Variants in HPS4 observed in about 807,000 individuals in gnomAD.
The protein encoded by HPS4 is HPS4 biogenesis of lysosomal organelles complex 3 subunit 2.
Under a neutral mutation model 70.3 loss-of-function variants are expected in HPS4, and 44 were observed. That is an observed-to-expected ratio of 0.63 (90% CI 0.49 to 0.80). The LOEUF (loss-of-function observed/expected upper bound fraction) is 0.80, where lower values mean the gene tolerates loss of function less well. Among genes scored for constraint, HPS4 ranks in the 30% least tolerant of loss-of-function variants. HPS4 has a pLI of 0.00. For synonymous variants in HPS4, 377 were observed against 355.9 expected (o/e 1.06, Z -0.67); for missense variants, 873 against 884.4 (o/e 0.99, Z 0.16).
At chr22:26,479,417 A>T in intron 2 of HPS4, 62 bp from the exon 3 acceptor site, 1 of 1,592,598 alleles carries the variant, frequency 6.3e-7, no homozygotes. Flanking sequence ...CATTTAAAAC[A>T]CAGCTTCCTG....
downstream of HPS4, among the ~76,000 whole-genome samples, chr22:26,450,761 A>C (rs979183074): frequency 6.6e-6 from 1 of 151,930 alleles, no homozygotes; most frequent in African/African-American, 2.4e-5. Flanking sequence ...CCCCCCTTTC[A>C]CTCTGCACTT....
chr22:26,476,293 C>A (rs906398503), intron 4 of HPS4: 5 of 151,954 alleles, frequency 3.3e-5, no homozygotes, highest in Admixed American at 2.6e-4. Flanking sequence ...ATAAATGTAG[C>A]CATGGGAAAC....
intron 13 of HPS4, chr22:26,453,659 TC>T (rs1311300606): frequency 1.4e-4 from 75 of 538,500 alleles, no homozygotes; most frequent in Non-Finnish European, 2.3e-4. Flanking sequence ...CAGCCACAGA[TC>T]CTGGAGTTAT....
intron 6 of HPS4, chr22:26,471,247 C>A (rs577410969): frequency 2.4e-6 from 1 of 413,950 alleles, no homozygotes; most frequent in African/African-American, 2.1e-5. Context: ...GCACAATCCC[C>A]ATGGTGATAC....
chr22:26,470,773 T>G lies in HPS4; in HGVS notation c.542A>C (p.Gln181Pro). ...AATGTGAGGCGAGCGCTGGCAGGTC[T>G]GCAGAATGCGGGCTGCCTTCAGCAA... ...LLLLKAARIL[Q>P]TCQRSPHILA... The change falls in exon 7 of 14, where the codon CAG (glutamine) becomes CCG (proline). Residue 181 changes from glutamine to proline, a missense_variant. By Grantham distance (76) the Gln-to-Pro change is moderately conservative. Coordinates refer to ENST00000398145, the MANE Select transcript of HPS4 (RefSeq NM_022081.6). 1 of 1,614,220 alleles carries G rather than the reference T, an allele frequency of 6.2e-7. No individual in the cohort carries two copies. Among genetic ancestry groups the G allele is most frequent in the Non-Finnish European group, 8.5e-7 (1 of 1,180,038 alleles).
intron 8 of HPS4, chr22:26,467,181 T>C (rs1290197146): frequency 6.6e-6 from 1 of 152,246 alleles, no homozygotes; most frequent in African/African-American, 2.4e-5. Context: ...GATTAAAATT[T>C]TATGAAGGTT....
chr22:26,477,270 G>T, intron 3 of HPS4, 134 bp from the exon 4 acceptor site: 1 of 871,346 alleles, frequency 1.1e-6, no homozygotes, highest in Non-Finnish European at 1.9e-6. Flanking sequence ...AGCTAAGAAT[G>T]GTTCTTATAC....
intron 5 of HPS4, 59 bp downstream of exon 5, chr22:26,472,773 G>A (rs925300371): frequency 2.4e-6 from 3 of 1,231,354 alleles, no homozygotes; most frequent in African/African-American, 3.0e-5. Context: ...GCTGCATTCT[G>A]GCAATACCGG....
chr22:26,452,028 A>G lies in HPS4; in HGVS notation c.*1205T>C, dbSNP rs1488449811. 3.0e-5 allele frequency: 9 copies of G among 296,386 alleles called. No homozygotes were observed. The highest frequency in any genetic ancestry group is 3.9e-5 in the Non-Finnish European group (6 of 153,284). 18.4% of individuals were successfully genotyped at this position (296,386 alleles called of 1,614,324 possible). Reference sequence around the variant, plus strand: ...CGCACACACACACACACACACACACACACACACACACACACTGTCTTAACC... The same window carrying G: ...CGCACACACACACACACACACACACGCACACACACACACACTGTCTTAACC... On this transcript the variant is annotated 3_prime_UTR_variant, in exon 14 of 14. Transcript: ENST00000398145.
At chr22:26,472,157 A>T (rs773834162) in intron 6 of HPS4, 145 bp downstream of exon 6, 243 of 715,868 alleles carry the variant, frequency 3.4e-4, no homozygotes, top group Admixed American at 5.0e-4. Flanking sequence ...AATGAGGCTG[A>T]GAGGTGACCT....
chr22:26,445,629 C>T (rs1318565632), intron 3 of HPS4, among the ~76,000 whole-genome samples: 1 of 152,214 alleles, frequency 6.6e-6, no homozygotes, highest in Non-Finnish European at 1.5e-5. Flanking sequence ...GTCCCTTAGC[C>T]TCTCATAGCC....
Position 26,482,025 on chromosome 22 carries a change from G to C in HPS4, c.-263C>G. On this transcript the variant is annotated 5_prime_UTR_variant, in exon 2 of 14. Coordinates refer to ENST00000398145, the MANE Select transcript of HPS4 (RefSeq NM_022081.6). ...GGAGAAACTATAACAGAGAATCCTA[G>C]CAGAAAAGTCAAATCCATTCCTCTG... 2.1e-5 allele frequency: 10 copies of C among 477,510 alleles called. No individual in the cohort carries two copies. 29.6% of individuals were successfully genotyped at this position (477,510 alleles called of 1,614,324 possible). A position where few individuals can be genotyped will look rare whatever the true frequency, so the allele number is the denominator to read the frequency against.
downstream of HPS4, chr22:26,443,390 T>A (rs921882887): frequency 1.8e-6 from 1 of 570,574 alleles, no homozygotes; most frequent in Admixed American, 3.4e-5. Context: ...ATGGAAACTT[T>A]TCGGCTTGTA....
chr22:26,443,467 G>A (rs541362211), downstream of HPS4: 18 of 419,764 alleles, frequency 4.3e-5, no homozygotes, highest in African/African-American at 1.6e-4. Flanking sequence ...GCCTAACAGC[G>A]CATTCCTTTG....
chr22:26,475,477 C>G (rs902107088), intron 4 of HPS4: 1 of 151,606 alleles, frequency 6.6e-6, no homozygotes, highest in Non-Finnish European at 1.5e-5. Context: ...CTCAGCCTCC[C>G]GAGTAGCTGG....
Position 26,458,565 on chromosome 22 carries a change from G to A in HPS4, c.1726C>T (p.Leu576=). Residue 576 remains leucine (L), a synonymous_variant, in exon 12 of 14, where the codon CTG becomes TTG. Transcript: ENST00000398145. ...AAIEEVYHSS[L]ASLNGLEVHL... ...ACTTCCAGCCCATTCAGTGAAGCCA[G>A]GCTGCTGTGGTACTGCAAAGGGGGA... 6.2e-7 allele frequency: 1 copy of A among 1,614,142 alleles called. No individual in the cohort carries two copies. Among genetic ancestry groups the A allele is most frequent in the Non-Finnish European group, 8.5e-7 (1 of 1,180,006 alleles).
chr22:26,447,053 G>A (rs970510408), downstream of HPS4, among the ~76,000 whole-genome samples: 1 of 152,184 alleles, frequency 6.6e-6, no homozygotes, highest in African/African-American at 2.4e-5. Context: ...AACCTATCCT[G>A]CCAACAGTAT....
chr22:26,451,986 ACGCGCGCG>A lies in HPS4; in HGVS notation c.*1239_*1246del, dbSNP rs10573454. ...AGGAAAAGAGGGATGCGCCCACGTTACGCGCGCGCGCGCGCGCGCACACACACACACAC... is the reference window on the plus strand; with the variant it reads ...AGGAAAAGAGGGATGCGCCCACGTTACGCGCGCGCGCACACACACACACAC... On this transcript the variant is annotated 3_prime_UTR_variant, in exon 14 of 14. Coordinates refer to ENST00000398145, the MANE Select transcript of HPS4 (RefSeq NM_022081.6). The A allele has an allele frequency of 0.14, 20,361 of 148,410 alleles. 1,380 individuals carry two copies. The highest frequency in any genetic ancestry group is 0.16 in the African/African-American group (5,268 of 33,182). 9.2% of individuals were successfully genotyped at this position (148,410 alleles called of 1,614,324 possible).
chr22:26,445,908 AG>A (rs374074621), downstream of HPS4, among the ~76,000 whole-genome samples: 47 of 152,166 alleles, frequency 3.1e-4, no homozygotes, highest in East Asian at 8.3e-3. Context: ...AGAGGGAGAC[AG>A]GGGGGTCTCC....
Sources: gnomAD v4.1 joint callset for allele counts (sites outside exome capture counted in the v4.1 genomes callset) on GRCh38, gnomAD v4.1.1 for gene constraint, MANE v1.5 for transcripts, NCBI Gene and HGNC (gene_info 2026-07-23, HGNC 2026-07-21) for gene names.